The following HSD17B6 variants were observed in gnomAD, a reference collection of about 807,000 sequenced individuals.
HSD17B6 encodes 17-beta-hydroxysteroid dehydrogenase type 6.
In HSD17B6, 16 loss-of-function variants were observed where a neutral mutation model predicts 26.4. The ratio of observed to expected loss-of-function variants is 0.61; its 90% CI spans 0.41 to 0.92. The LOEUF is 0.92. HSD17B6 is among the 40% of genes least tolerant of loss of function. The pLI, the probability that HSD17B6 is intolerant of heterozygous loss-of-function variation, is 0.00. For missense variants in HSD17B6, 357 were observed against 386.1 expected, an observed-to-expected ratio of 0.92 and a Z score of 0.63; for synonymous variants, 139 against 153.0, an observed-to-expected ratio of 0.91 and a Z score of 0.68.
chr12:56,786,486 A>C (rs1271363052), intron 4 of HSD17B6, among the ~76,000 whole-genome samples: 1 of 152,074 alleles, frequency 6.6e-6, no homozygotes, highest in Non-Finnish European at 1.5e-5. Flanking sequence ...CTGACCCCAA[A>C]TTATCCACCC....
intron 1 of HSD17B6, among the ~76,000 whole-genome samples, chr12:56,768,114 A>G (rs939950129): frequency 2.0e-5 from 3 of 152,130 alleles, no homozygotes; most frequent in South Asian, 4.1e-4. Context: ...ACAGAATCCA[A>G]TGAGAGCATG....
At chr12:56,785,068 C>T in intron 4 of HSD17B6, 52 bp downstream of exon 4, 1 of 1,503,118 alleles carries the variant, frequency 6.7e-7, no homozygotes, top group Non-Finnish European at 9.0e-7. Flanking sequence ...TTAGTCCATT[C>T]TCATGCTGCT....
At position 56,775,363 on chromosome 12, in the gene HSD17B6, G is replaced by A. The variant is rs146161185; in HGVS notation, c.313+1198G>A. 9.7e-3 allele frequency among the ~76,000 whole-genome samples: 1,481 copies of A among 152,156 alleles called. 10 individuals carry two copies. Among genetic ancestry groups the A allele is most frequent in the Admixed American group, 0.019 (295 of 15,278 alleles). On this transcript the variant is annotated intron_variant, in intron 2 of 4. Coordinates refer to ENST00000322165, the MANE Select transcript of HSD17B6 (RefSeq NM_003725.4). ...CTTTCAATTAGCTGGGATTAGAAGCGGTTGCCACCATGCCTGGCTAATTTT... is the reference window on the plus strand; with the variant it reads ...CTTTCAATTAGCTGGGATTAGAAGCAGTTGCCACCATGCCTGGCTAATTTT...
chr12:56,768,331 T>G (rs1466530447), intron 1 of HSD17B6, among the ~76,000 whole-genome samples: 2 of 152,128 alleles, frequency 1.3e-5, no homozygotes, highest in East Asian at 3.9e-4. Context: ...GAAGGTGAAG[T>G]GCAAGGAGCT....
At chr12:56,774,816 C>G (rs1274826990) in intron 2 of HSD17B6, among the ~76,000 whole-genome samples, 1 of 152,190 alleles carries the variant, frequency 6.6e-6, no homozygotes, top group African/African-American at 2.4e-5. Context: ...GGAGGCGGAG[C>G]TCAGGCAGTA....
At chr12:56,773,767 C>A in intron 1 of HSD17B6, 67 bp from the exon 2 acceptor site, 1 of 1,409,338 alleles carries the variant, frequency 7.1e-7, no homozygotes, top group Non-Finnish European at 9.5e-7. Flanking sequence ...TGGCACATGG[C>A]AAATACTGAA....
intron 1 of HSD17B6, among the ~76,000 whole-genome samples, chr12:56,764,327 C>G (rs1461457839): frequency 6.6e-6 from 1 of 152,114 alleles, no homozygotes; most frequent in African/African-American, 2.4e-5. Flanking sequence ...ATAAAGGCTA[C>G]TTCTTACTTT....
At chr12:56,778,163 T>C (rs935372092) in intron 2 of HSD17B6, among the ~76,000 whole-genome samples, 6 of 152,254 alleles carry the variant, frequency 3.9e-5, no homozygotes, top group African/African-American at 1.4e-4. Flanking sequence ...CCTTGGTTTC[T>C]TACTCCTCAC....
intron 2 of HSD17B6, among the ~76,000 whole-genome samples, chr12:56,780,717 C>T (rs1363916169): frequency 6.6e-6 from 1 of 151,764 alleles, no homozygotes. Flanking sequence ...AAAAATTAGC[C>T]GGGCGTCTGT....
chr12:56,782,165 G>T lies in HSD17B6; in HGVS notation c.505G>T (p.Val169Phe). The T allele has an allele frequency of 6.2e-7, 1 of 1,614,208 alleles. No homozygotes were observed. Among genetic ancestry groups the T allele is most frequent in the Non-Finnish European group, 8.5e-7 (1 of 1,180,032 alleles). Residue 169 changes from valine (V) to phenylalanine (F), a missense_variant, in exon 3 of 5, where the codon GTT becomes TTT. By Grantham distance (50) the Val-to-Phe change is conservative (BLOSUM62 -1). Coordinates refer to ENST00000322165, the MANE Select transcript of HSD17B6 (RefSeq NM_003725.4). ...CAATGTCTCCAGCATTCTGGGAAGA[G>T]TTGCTTTCTTTGTAGGAGGCTACTG... ...IVNVSSILGR[V>F]AFFVGGYCVS...
chr12:56,771,931 G>A (rs1954482017), intron 1 of HSD17B6, among the ~76,000 whole-genome samples: 1 of 152,026 alleles, frequency 6.6e-6, no homozygotes, highest in Non-Finnish European at 1.5e-5. Flanking sequence ...GGTTTTATAA[G>A]CGTTTGGTAG....
intron 1 of HSD17B6, among the ~76,000 whole-genome samples, chr12:56,766,121 C>G (rs1394445514): frequency 6.6e-6 from 1 of 152,048 alleles, no homozygotes; most frequent in African/African-American, 2.4e-5. Context: ...TGACCCCCAC[C>G]CCTGCCTGCA....
chr12:56,763,917 A>C (rs1194028849), intron 1 of HSD17B6, among the ~76,000 whole-genome samples: 1 of 151,762 alleles, frequency 6.6e-6, no homozygotes, highest in Admixed American at 6.6e-5. Context: ...AAAATACAAA[A>C]AATTAGCTAG....
chr12:56,772,714 GA>G (rs63326760), intron 1 of HSD17B6, among the ~76,000 whole-genome samples: 59,294 of 137,578 alleles, frequency 0.43, 13,926 homozygotes, highest in African/African-American at 0.64. Context: ...AAAAAAAAAA[GA>G]AAAAAAAAAG....
At chr12:56,784,797 T>C in intron 3 of HSD17B6, 56 bp from the exon 4 acceptor site, 1 of 1,544,590 alleles carries the variant, frequency 6.5e-7, no homozygotes, top group Non-Finnish European at 8.8e-7. Flanking sequence ...TTTTCCTTCC[T>C]GAAAGCATTG....
chr12:56,782,091 TGACC>T lies in HSD17B6; in HGVS notation c.432_435del (p.Thr145Ter). The T allele has an allele frequency of 6.2e-7, 1 of 1,614,232 alleles. No homozygotes were observed. Among genetic ancestry groups the T allele is most frequent in the African/African-American group, 1.3e-5 (1 of 75,058 alleles). Reference sequence around the variant, plus strand: ...GTGAACCTCATTGGTGTGATCCAGGTGACCTTGAGCATGCTTCCTTTGGTGAGGA... The same window carrying T: ...GTGAACCTCATTGGTGTGATCCAGGTTTGAGCATGCTTCCTTTGGTGAGGA... On this transcript the variant is annotated frameshift_variant, in exon 3 of 5. Coordinates refer to ENST00000322165, the MANE Select transcript of HSD17B6 (RefSeq NM_003725.4). LOFTEE classifies it high-confidence loss of function.
Position 56,768,104 on chromosome 12 carries a change from A to T in HSD17B6, c.-20+4690A>T, listed in dbSNP as rs527827337. 2.6e-5 allele frequency among the ~76,000 whole-genome samples: 4 copies of T among 152,218 alleles called. No individual in the cohort carries two copies. The South Asian group carries it at 8.3e-4, about 32-fold the overall frequency. On this transcript the variant is annotated intron_variant, in intron 1 of 4. Coordinates refer to ENST00000322165, the MANE Select transcript of HSD17B6 (RefSeq NM_003725.4). The stretch of plus-strand genomic sequence containing the variant: ...TCCTGTGGGTGACAGGGAGTCACAG[A>T]CAGAATCCAATGAGAGCATGGCACG...
chr12:56,779,586 C>T (rs1378658413), intron 2 of HSD17B6, among the ~76,000 whole-genome samples: 1 of 152,088 alleles, frequency 6.6e-6, no homozygotes, highest in Non-Finnish European at 1.5e-5. Flanking sequence ...ATAATATTCT[C>T]TATTTCTGTT....
At chr12:56,769,264 G>C (rs1311094291) in intron 1 of HSD17B6, among the ~76,000 whole-genome samples, 1 of 152,056 alleles carries the variant, frequency 6.6e-6, no homozygotes, top group Non-Finnish European at 1.5e-5. Flanking sequence ...ACCACACTCA[G>C]CTAATTTTTG....
Sources: gnomAD v4.1 joint callset for allele counts (sites outside exome capture counted in the v4.1 genomes callset) on GRCh38, gnomAD v4.1.1 for gene constraint, MANE v1.5 for transcripts, NCBI Gene and HGNC (gene_info 2026-07-23, HGNC 2026-07-21) for gene names.